GRID2: variants seen among roughly 807,000 people sequenced by gnomAD.
GRID2 encodes the protein glutamate receptor ionotropic, delta-2.
GRID2 carries 33 observed loss-of-function variants against 114.8 expected under a neutral mutation model. The ratio of observed to expected loss-of-function variants is 0.29; its 90% confidence interval spans 0.22 to 0.38. The LOEUF (loss-of-function observed/expected upper bound fraction) is 0.38. GRID2 is among the 10% of genes least tolerant of loss of function. The pLI is 1.00. For synonymous variants in GRID2, 505 were observed against 449.9 expected, an observed-to-expected ratio of 1.12 and a Z score of -1.55; for missense variants, 1,184 against 1,257.7, an observed-to-expected ratio of 0.94 and a Z score of 0.89.
intron 1 of GRID2, among the ~76,000 whole-genome samples, chr4:92,465,119 C>A (rs1340181699): frequency 3.3e-5 from 5 of 152,042 alleles, no homozygotes; most frequent in Non-Finnish European, 5.9e-5. Context: ...TCAATTAAAT[C>A]TCTTCATAAA....
At chr4:92,759,972 C>T (rs758924026) in intron 2 of GRID2, among the ~76,000 whole-genome samples, 8 of 151,420 alleles carry the variant, frequency 5.3e-5, no homozygotes, top group African/African-American at 9.7e-5. Flanking sequence ...AAGTTTTGAA[C>T]GCCTTCGATA....
chr4:92,740,723 GA>G (rs1736845883), intron 2 of GRID2, among the ~76,000 whole-genome samples: 1 of 146,366 alleles, frequency 6.8e-6, no homozygotes, highest in Non-Finnish European at 1.5e-5. Flanking sequence ...TAGATAGATA[GA>G]TAGATAGATA....
At chr4:92,721,271 T>C (rs147200737) in intron 2 of GRID2, among the ~76,000 whole-genome samples, 22 of 152,228 alleles carry the variant, frequency 1.4e-4, no homozygotes, top group Admixed American at 9.8e-4. Flanking sequence ...GTCACTAAGC[T>C]GTACACCTAA....
chr4:93,644,746 T>C (rs1721953127), intron 14 of GRID2, among the ~76,000 whole-genome samples: 1 of 152,070 alleles, frequency 6.6e-6, no homozygotes, highest in Non-Finnish European at 1.5e-5. Context: ...TTCATTAAGG[T>C]AGATGAGAAA....
intron 2 of GRID2, among the ~76,000 whole-genome samples, chr4:92,875,927 T>G (rs933448490): frequency 6.6e-6 from 1 of 152,154 alleles, no homozygotes; most frequent in East Asian, 1.9e-4. Context: ...ATTAGTTCAA[T>G]TGAGGAAAGT....
At chr4:92,716,688 A>G (rs1289321906) in intron 2 of GRID2, among the ~76,000 whole-genome samples, 1 of 152,146 alleles carries the variant, frequency 6.6e-6, no homozygotes, top group Non-Finnish European at 1.5e-5. Context: ...ACAGCATCAC[A>G]TAGGGAGTTG....
At chr4:93,279,698 A>G (rs1254682572) in intron 8 of GRID2, among the ~76,000 whole-genome samples, 1 of 152,024 alleles carries the variant, frequency 6.6e-6, no homozygotes, top group East Asian at 1.9e-4. Context: ...GAAGACCTTT[A>G]CTTTTTTTAT....
At chr4:92,760,390 C>G (rs2149344925) in intron 2 of GRID2, among the ~76,000 whole-genome samples, 1 of 152,128 alleles carries the variant, frequency 6.6e-6, no homozygotes, top group African/African-American at 2.4e-5. Context: ...GCTCTCGATC[C>G]TTTTGGGGAA....
rs28814936 is a variant in GRID2, at chr4:92,377,368, G to C, written c.88+72624G>C. Among the ~76,000 whole-genome samples the C allele has an allele frequency of 4.6e-3, 694 of 152,076 alleles. 7 individuals are homozygous for C. The highest frequency in any genetic ancestry group is 0.016 in the African/African-American group (664 of 41,496). On this transcript the variant is annotated intron_variant, in intron 1 of 15. Coordinates refer to ENST00000282020, the MANE Select transcript of GRID2 (RefSeq NM_001510.4). ...CAACAAGTTCCTCACTTCCATCTGA[G>C]ACCACCTCAGCCCAGACTTTATTGT... is the stretch of plus-strand genomic sequence containing the variant.
chr4:92,374,276 C>T (rs952915008), intron 1 of GRID2, among the ~76,000 whole-genome samples: 1 of 152,144 alleles, frequency 6.6e-6, no homozygotes, highest in Non-Finnish European at 1.5e-5. Flanking sequence ...ACTTGGGTCT[C>T]CATAATCCTT....
At chr4:92,950,510 A>G (rs563867060) in intron 2 of GRID2, among the ~76,000 whole-genome samples, 32 of 152,274 alleles carry the variant, frequency 2.1e-4, no homozygotes, top group Admixed American at 1.8e-3. Flanking sequence ...ATTAGCTTAT[A>G]TCCCTTTACT....
At chr4:92,646,989 T>C (rs1303687111) in intron 2 of GRID2, among the ~76,000 whole-genome samples, 15 of 152,330 alleles carry the variant, frequency 9.8e-5, no homozygotes, top group African/African-American at 3.1e-4. Context: ...ACTGTTTTTG[T>C]AATTTCGGTA....
chr4:93,393,339 A>C (rs138014825), intron 8 of GRID2, among the ~76,000 whole-genome samples: 1 of 151,936 alleles, frequency 6.6e-6, no homozygotes, highest in African/African-American at 2.4e-5. Context: ...CAAAGGATGT[A>C]TGAGTCAGGC....
At chr4:93,115,402 G>GACAC (rs374431110) in intron 4 of GRID2, among the ~76,000 whole-genome samples, 12 of 144,578 alleles carry the variant, frequency 8.3e-5, no homozygotes, top group Admixed American at 1.4e-4. Flanking sequence ...AGTATATACA[G>GACAC]ACACACACAC....
chr4:92,320,482 C>CT (rs1726252361), intron 1 of GRID2, among the ~76,000 whole-genome samples: 1 of 151,508 alleles, frequency 6.6e-6, no homozygotes, highest in Non-Finnish European at 1.5e-5. Context: ...ACTTTTTTTT[C>CT]TCTTTTTTTT....
intron 2 of GRID2, among the ~76,000 whole-genome samples, chr4:93,041,956 G>A (rs1157967234): frequency 1.3e-5 from 2 of 152,042 alleles, no homozygotes; most frequent in African/African-American, 2.4e-5. Context: ...AGGCTGGAGT[G>A]CAATGGCGTG....
rs189436503 is a variant in GRID2 at position 92,442,888 on chromosome 4, G to C, written c.88+138144G>C. Among the ~76,000 whole-genome samples, 587 of 152,228 alleles carry C rather than the reference G, an allele frequency of 3.9e-3. 6 individuals are homozygous for C. The highest frequency in any genetic ancestry group is 0.013 in the African/African-American group (552 of 41,506). On this transcript the variant is annotated intron_variant, in intron 1 of 15. Transcript: ENST00000282020. Reference sequence around the variant, plus strand: ...AGAGTAAATTGTTGGGCAGGAGGGGGAGGGCTAGTCATGGAAGGAAACTGT... The same window carrying C: ...AGAGTAAATTGTTGGGCAGGAGGGGCAGGGCTAGTCATGGAAGGAAACTGT...
intron 3 of GRID2, among the ~76,000 whole-genome samples, chr4:93,100,291 T>C (rs1731588525): frequency 6.6e-6 from 1 of 151,868 alleles, no homozygotes; most frequent in Non-Finnish European, 1.5e-5. Context: ...ATCTCAGTGA[T>C]GGGCCACTGT....
At chr4:93,583,186 G>A (rs750161247) in intron 13 of GRID2, among the ~76,000 whole-genome samples, 4 of 152,094 alleles carry the variant, frequency 2.6e-5, no homozygotes, top group Non-Finnish European at 4.4e-5. Flanking sequence ...CAGATCCTTA[G>A]TTATGTCTTC....
Sources: allele counts gnomAD v4.1 joint callset (sites outside exome capture counted in the v4.1 genomes callset), GRCh38; gene constraint gnomAD v4.1.1; transcripts MANE v1.5; gene names NCBI Gene and HGNC (gene_info 2026-07-23, HGNC 2026-07-21).